The following RYR3 variants were observed in gnomAD, a reference collection of about 807,000 sequenced individuals.
RYR3 encodes brain ryanodine receptor-calcium release channel.
A neutral mutation model predicts 584.3 loss-of-function variants in RYR3; 207 were observed. The ratio of observed to expected loss-of-function variants is 0.35; its 90% CI spans 0.32 to 0.40. RYR3 has a LOEUF of 0.40. RYR3 is among the 10% of genes least tolerant of loss of function. RYR3 has a pLI of 1.00. For synonymous variants in RYR3, 2,416 were observed against 2,248.5 expected, an observed-to-expected ratio of 1.07 and a Z score of -2.11; for missense variants, 5,616 against 6,089.2, an observed-to-expected ratio of 0.92 and a Z score of 2.59.
chr15:33,548,542 C>T (rs2056425526), intron 9 of RYR3, among the ~76,000 whole-genome samples: 1 of 152,230 alleles, frequency 6.6e-6, no homozygotes, highest in Admixed American at 6.5e-5. Flanking sequence ...CTTCCGTCTC[C>T]TCTCAGTAGC....
At chr15:33,826,370 T>C (rs1251271734) in intron 83 of RYR3, 101 bp downstream of exon 83, 3 of 1,226,722 alleles carry the variant, frequency 2.4e-6, no homozygotes, top group Non-Finnish European at 2.4e-6. Flanking sequence ...GGTAGTTGCA[T>C]GTTGAGTTGA....
intron 21 of RYR3, among the ~76,000 whole-genome samples, chr15:33,629,381 A>T (rs1001512561): frequency 1.3e-5 from 2 of 152,258 alleles, no homozygotes; most frequent in African/African-American, 4.8e-5. Context: ...AGTGTGGGGG[A>T]AAAAGTAAAA....
intron 36 of RYR3, among the ~76,000 whole-genome samples, chr15:33,668,161 A>AG (rs2063595839): frequency 6.6e-6 from 1 of 150,684 alleles, no homozygotes; most frequent in Non-Finnish European, 1.5e-5. Flanking sequence ...CAAAAAAAAA[A>AG]AAGAAATCAG....
chr15:33,580,491 G>A (rs683484), intron 13 of RYR3, among the ~76,000 whole-genome samples: 101,909 of 152,148 alleles, frequency 0.67, 35,467 homozygotes, highest in Middle Eastern at 0.78. Flanking sequence ...TTTGAAAAAT[G>A]CAGATGCCTG....
chr15:33,501,712 T>C (rs34472763), intron 2 of RYR3, among the ~76,000 whole-genome samples: 2,415 of 152,302 alleles, frequency 0.016, 28 homozygotes, highest in Middle Eastern at 0.027. Flanking sequence ...AGACAATATA[T>C]GTTTATGGTA....
At chr15:33,679,702 C>T (rs1193803833) in intron 38 of RYR3, among the ~76,000 whole-genome samples, 1 of 152,156 alleles carries the variant, frequency 6.6e-6, no homozygotes, top group Non-Finnish European at 1.5e-5. Flanking sequence ...CTGACCAGTA[C>T]TCTTGTTCCC....
intron 56 of RYR3, 50 bp downstream of exon 56, chr15:33,750,104 T>C (rs1325882683): frequency 1.2e-6 from 2 of 1,607,448 alleles, no homozygotes; most frequent in Non-Finnish European, 1.7e-6. Flanking sequence ...GGGGCAGCTA[T>C]GGTCTCCCAG....
intron 100 of RYR3, 36 bp downstream of exon 100, chr15:33,859,767 T>TTAATC (rs2153013732): frequency 1.3e-6 from 2 of 1,569,120 alleles, no homozygotes; most frequent in Admixed American, 3.7e-5. Flanking sequence ...TGAACAGGGT[T>TTAATC]TAATCTAGTT....
chr15:33,819,642 C>T, intron 76 of RYR3, 114 bp from the exon 77 acceptor site: 1 of 635,232 alleles, frequency 1.6e-6, no homozygotes, highest in Non-Finnish European at 2.2e-6. Context: ...TCATTGCACT[C>T]CAGCCTAGGG....
At chr15:33,780,103 A>T in intron 64 of RYR3, 108 bp from the exon 65 acceptor site, 1 of 1,325,498 alleles carries the variant, frequency 7.5e-7, no homozygotes, top group Non-Finnish European at 1.0e-6. Flanking sequence ...TGCTGAGCCT[A>T]GTGCCTAGGG....
chr15:33,736,754 T>A (rs1052505017), intron 49 of RYR3, among the ~76,000 whole-genome samples: 3 of 144,154 alleles, frequency 2.1e-5, no homozygotes, highest in African/African-American at 8.3e-5. Context: ...TGTTTTCTAC[T>A]TTTTTTTTAA....
chr15:33,678,980 A>G (rs915500219), intron 38 of RYR3, among the ~76,000 whole-genome samples: 2 of 152,210 alleles, frequency 1.3e-5, no homozygotes, highest in Non-Finnish European at 1.5e-5. Context: ...GGGGAAGCAC[A>G]GAGAAATTTG....
chr15:33,395,743 C>T (rs896290617), intron 1 of RYR3, among the ~76,000 whole-genome samples: 2 of 152,204 alleles, frequency 1.3e-5, no homozygotes, highest in African/African-American at 2.4e-5. Flanking sequence ...CTGTTAAATC[C>T]TCTCTGATTA....
At chr15:33,461,553 G>A (rs1457278947) in intron 1 of RYR3, among the ~76,000 whole-genome samples, 1 of 152,066 alleles carries the variant, frequency 6.6e-6, no homozygotes, top group Non-Finnish European at 1.5e-5. Context: ...ATCGGTATTA[G>A]GGATACAAGA....
intron 2 of RYR3, among the ~76,000 whole-genome samples, chr15:33,488,799 C>T (rs768980526): frequency 7.9e-5 from 12 of 152,018 alleles, no homozygotes; most frequent in Non-Finnish European, 1.6e-4. Flanking sequence ...TGCAGTGAGC[C>T]GAGACTGCAC....
intron 43 of RYR3, among the ~76,000 whole-genome samples, chr15:33,713,795 C>T (rs542514065): frequency 6.6e-6 from 1 of 152,106 alleles, no homozygotes; most frequent in Non-Finnish European, 1.5e-5. Context: ...ATAGATGGTG[C>T]CTTCTCACTT....
At chr15:33,516,273 G>A (rs1036864876) in intron 3 of RYR3, among the ~76,000 whole-genome samples, 68 of 150,924 alleles carry the variant, frequency 4.5e-4, no homozygotes, top group African/African-American at 1.6e-3. Flanking sequence ...TGCCCCCCCC[G>A]AAATGATCCT....
At position 33,435,021 on chromosome 15, in the gene RYR3, T is replaced by C. The variant is rs531420344; in HGVS notation, c.52-38398T>C. 3.6e-4 allele frequency among the ~76,000 whole-genome samples: 55 copies of C among 152,102 alleles called. No homozygotes were observed. In the South Asian group the frequency reaches 0.011, roughly 32 times the overall value. On this transcript the variant is annotated intron_variant, in intron 1 of 103. Coordinates refer to ENST00000634891, the MANE Select transcript of RYR3 (RefSeq NM_001036.6). ...ATTTTTAGTAGAGATGGGGTTTCAC[T>C]GTGTTAGCCAGGATGGTCTCAATCT...
At chr15:33,536,731 A>G (rs899720939) in intron 5 of RYR3, among the ~76,000 whole-genome samples, 1 of 152,184 alleles carries the variant, frequency 6.6e-6, no homozygotes, top group Admixed American at 6.5e-5. Flanking sequence ...TTGAAGTAGT[A>G]CTCACACATA....
Sources: gnomAD v4.1 joint callset for allele counts (sites outside exome capture counted in the v4.1 genomes callset) on GRCh38, gnomAD v4.1.1 for gene constraint, MANE v1.5 for transcripts, NCBI Gene and HGNC (gene_info 2026-07-23, HGNC 2026-07-21) for gene names.